The following ZNF112 variants were observed in gnomAD, a reference collection of about 807,000 sequenced individuals.
ZNF112 encodes the protein zinc finger protein 112, also known as zinc finger protein 112 (Y14).
Under a neutral mutation model 77.7 loss-of-function variants are expected in ZNF112, and 37 were observed. The observed-to-expected ratio is 0.48, with a 90% confidence interval of 0.37 to 0.63. The LOEUF (loss-of-function observed/expected upper bound fraction) is 0.63, where lower values mean the gene tolerates loss of function less well. Ranked by LOEUF, ZNF112 falls within the 20% of genes least tolerant of loss-of-function variation. The pLI is 0.00. For missense variants in ZNF112, 950 were observed against 1,077.4 expected, an observed-to-expected ratio of 0.88 and a Z score of 1.66; for synonymous variants, 333 against 363.6, an observed-to-expected ratio of 0.92 and a Z score of 0.96.
intron 2 of ZNF112, among the ~76,000 whole-genome samples, chr19:44,338,968 C>T (rs77019980): frequency 0.035 from 5,261 of 152,034 alleles, 242 homozygotes; most frequent in African/African-American, 0.11. Flanking sequence ...GGCTGAGGCA[C>T]GAGAATCACT....
rs533946589 is a variant in ZNF112, at chr19:44,331,809, T to C, written c.221-1873A>G. 7.9e-5 allele frequency among the ~76,000 whole-genome samples: 12 copies of C among 152,164 alleles called. No homozygotes were observed. In the South Asian group the frequency reaches 2.5e-3, roughly 32 times the overall value. Reference sequence around the variant, plus strand: ...AGAGCATGTAATGTAGCTTTTTAAATGGGAAAGGAACTGGTGATGGTGGCA... The same window carrying C: ...AGAGCATGTAATGTAGCTTTTTAAACGGGAAAGGAACTGGTGATGGTGGCA... On this transcript the variant is annotated intron_variant, in intron 3 of 3. Transcript: ENST00000354340.
At chr19:44,341,107 A>G (rs1970481544) in intron 1 of ZNF112, 1 of 455,844 alleles carries the variant, frequency 2.2e-6, no homozygotes, top group Non-Finnish European at 4.4e-6. Flanking sequence ...GGTGAAACTT[A>G]TACCATACAG....
chr19:44,328,687 C>T lies in ZNF112; in HGVS notation c.1470G>A (p.Glu490=). 6.2e-7 allele frequency: 1 copy of T among 1,614,026 alleles called. No homozygotes were observed. Among genetic ancestry groups the T allele is most frequent in the Non-Finnish European group, 8.5e-7 (1 of 1,179,968 alleles). ...CATTCCCATGCTCCTTACGTGGTTT[C>T]TCTCCAATGTGAATTTTTGGATGAC... ...LQGHPKIHIG[E]KPRKEHGNGF... is the part of the protein sequence containing the mutation. The change falls in exon 4 of 4, where the codon GAG becomes GAA. Residue 490 remains glutamate (E), a synonymous_variant. Coordinates refer to ENST00000354340, the MANE Select transcript of ZNF112 (RefSeq NM_013380.4).
intron 1 of ZNF112, among the ~76,000 whole-genome samples, chr19:44,356,253 G>T (rs1234148125): frequency 3.9e-5 from 6 of 152,234 alleles, no homozygotes; most frequent in Admixed American, 1.3e-4. Context: ...ACTCTCAAAA[G>T]AACTCCATTA....
intron 1 of ZNF112, among the ~76,000 whole-genome samples, chr19:44,363,838 G>GATTAATTTTACACTGTCTCCCAAAAT (rs1220454732): frequency 6.6e-6 from 1 of 152,144 alleles, no homozygotes; most frequent in Non-Finnish European, 1.5e-5. Flanking sequence ...TCTCCCAAAA[G>GATTAATTTTACACTGTCTCCCAAAAT]ATTAATTTTA....
At chr19:44,355,323 G>A (rs565777675) in intron 1 of ZNF112, among the ~76,000 whole-genome samples, 1 of 152,040 alleles carries the variant, frequency 6.6e-6, no homozygotes, top group Non-Finnish European at 1.5e-5. Context: ...CTTGTGGTTA[G>A]CATAATTTTT....
chr19:44,366,575 T>A (rs1970906544), intron 1 of ZNF112, among the ~76,000 whole-genome samples: 1 of 152,114 alleles, frequency 6.6e-6, no homozygotes, highest in Admixed American at 6.5e-5. Flanking sequence ...AAATCAGAAC[T>A]GTGTCTCCCT....
At chr19:44,342,049 C>G (rs762677641) in intron 1 of ZNF112, among the ~76,000 whole-genome samples, 18 of 152,236 alleles carry the variant, frequency 1.2e-4, no homozygotes, top group Non-Finnish European at 1.8e-4. Context: ...TCCCCTCCAA[C>G]AGTCATCTGG....
At position 44,327,422 on chromosome 19, in the gene ZNF112, A is replaced by G. The variant is rs1327553403; in HGVS notation, c.*11T>C. 8 of 1,566,070 alleles carry G rather than the reference A, an allele frequency of 5.1e-6. No individual in the cohort carries two copies. Among genetic ancestry groups the G allele is most frequent in the Non-Finnish European group, 6.9e-6 (8 of 1,157,284 alleles). On this transcript the variant is annotated 3_prime_UTR_variant, in exon 4 of 4. Coordinates refer to ENST00000354340, the MANE Select transcript of ZNF112 (RefSeq NM_013380.4). ...TAGTGACTGGAAAATTTCAGCTCCC[A>G]TTTGAGGACTTCAAAACAAAACAGA...
intron 1 of ZNF112, among the ~76,000 whole-genome samples, chr19:44,356,278 C>T (rs750564565): frequency 1.3e-5 from 2 of 152,122 alleles, no homozygotes; most frequent in African/African-American, 4.8e-5. Context: ...GATACTAGTA[C>T]CATTTTAAAG....
chr19:44,361,853 A>C (rs1970857299), intron 1 of ZNF112, among the ~76,000 whole-genome samples: 1 of 151,610 alleles, frequency 6.6e-6, no homozygotes, highest in Non-Finnish European at 1.5e-5. Flanking sequence ...AGATGCAAAC[A>C]ATAGGAGAAA....
intron 1 of ZNF112, among the ~76,000 whole-genome samples, chr19:44,343,633 C>T (rs995271150): frequency 4.6e-5 from 7 of 152,166 alleles, no homozygotes; most frequent in Non-Finnish European, 7.3e-5. Flanking sequence ...AAAATGTCTA[C>T]GTTCAAAACC....
At chr19:44,332,495 T>A (rs1970289416) in intron 3 of ZNF112, among the ~76,000 whole-genome samples, 1 of 152,222 alleles carries the variant, frequency 6.6e-6, no homozygotes, top group African/African-American at 2.4e-5. Context: ...AGGAGGCATA[T>A]CAGATAAAGT....
At chr19:44,338,847 G>A (rs1258421693) in intron 2 of ZNF112, among the ~76,000 whole-genome samples, 1 of 152,210 alleles carries the variant, frequency 6.6e-6, no homozygotes, top group African/African-American at 2.4e-5. Flanking sequence ...TGGATCACCT[G>A]AGGCCAGGAG....
chr19:44,336,327 C>T (rs374796161), intron 3 of ZNF112, among the ~76,000 whole-genome samples: 2 of 152,104 alleles, frequency 1.3e-5, no homozygotes, highest in African/African-American at 4.8e-5. Flanking sequence ...GAGAGAAAAG[C>T]AAGTCAAGGA....
intron 1 of ZNF112, among the ~76,000 whole-genome samples, chr19:44,347,860 T>C (rs1970625039): frequency 6.6e-6 from 1 of 152,142 alleles, no homozygotes; most frequent in East Asian, 1.9e-4. Context: ...AGTTCCTAGT[T>C]TCCATTTAAT....
rs374364099 is a variant in ZNF112 at position 44,349,133 on chromosome 19, C to T, written c.-4+7493G>A. ...TCATTTGTTTACGTACGGCCTATGG[C>T]TGCTTTTGCATTACAGCAGCAGTGC... On this transcript the variant is annotated intron_variant, in intron 1 of 3. Transcript: ENST00000354340. 2.7e-4 allele frequency among the ~76,000 whole-genome samples: 41 copies of T among 152,208 alleles called. 2 individuals are homozygous for T. The East Asian group carries it at 2.7e-3, about 10-fold the overall frequency.
intron 1 of ZNF112, among the ~76,000 whole-genome samples, chr19:44,342,554 C>A (rs573156899): frequency 6.6e-6 from 1 of 152,136 alleles, no homozygotes; most frequent in Non-Finnish European, 1.5e-5. Flanking sequence ...CGGTGGCTCA[C>A]GCCTGTAATC....
intron 1 of ZNF112, among the ~76,000 whole-genome samples, chr19:44,354,596 A>G (rs1187501469): frequency 6.6e-6 from 1 of 152,150 alleles, no homozygotes; most frequent in Admixed American, 6.5e-5. Context: ...GGTTATTTCT[A>G]TTCTATTTTG....
Sources: allele counts gnomAD v4.1 joint callset (sites outside exome capture counted in the v4.1 genomes callset), GRCh38; gene constraint gnomAD v4.1.1; transcripts MANE v1.5; gene names NCBI Gene and HGNC (gene_info 2026-07-23, HGNC 2026-07-21).